INSR: variants seen among roughly 807,000 people sequenced by gnomAD.
INSR encodes IR.
A neutral mutation model predicts 142.6 loss-of-function variants in INSR; 67 were observed. The observed-to-expected ratio is 0.47, with a 90% CI of 0.39 to 0.58. The LOEUF (loss-of-function observed/expected upper bound fraction) is 0.58. Ranked by LOEUF, INSR falls within the 20% of genes least tolerant of loss-of-function variation. The probability of loss-of-function intolerance (pLI) is 0.00; values close to 1 mark genes in which losing one functional copy is unlikely to be tolerated. For synonymous variants in INSR, 756 were observed against 743.1 expected (o/e 1.02, Z -0.28); for missense variants, 1,248 against 1,833.2 (o/e 0.68, Z 5.83).
rs75918734 is a variant in INSR, at chr19:7,225,706, C to CA, written c.653-41070_653-41069insT. 9.1e-5 allele frequency among the ~76,000 whole-genome samples: 12 copies of CA among 132,074 alleles called. No individual in the cohort carries two copies. Among genetic ancestry groups the CA allele is most frequent in the African/African-American group, 1.0e-4 (4 of 38,214 alleles). 86.6% of individuals were successfully genotyped at this position (132,074 alleles called of 152,430 possible). A position where few individuals can be genotyped will look rare whatever the true frequency, so the allele number is the denominator to read the frequency against. On this transcript the variant is annotated intron_variant, in intron 2 of 21. Transcript: ENST00000302850. This position sits in a 1 kb window ranked among gnomAD's most constrained non-coding sequence, Gnocchi z 4.7. ...GGGCTCTTGGTTTCCATTTCCCCCC[C>CA]CTCAAAAAAAGAGCAGAGAATAATT...
intron 1 of INSR, among the ~76,000 whole-genome samples, chr19:7,292,696 C>T (rs1355813372): frequency 6.6e-6 from 1 of 152,168 alleles, no homozygotes; most frequent in Non-Finnish European, 1.5e-5. Flanking sequence ...AAAGCAGGGC[C>T]TCAGACCCCA....
Position 7,225,364 on chromosome 19 carries a change from G to A in INSR, c.653-40727C>T, listed in dbSNP as rs1028886194. 2.0e-5 allele frequency among the ~76,000 whole-genome samples: 3 copies of A among 152,080 alleles called. No individual in the cohort carries two copies. Among genetic ancestry groups the A allele is most frequent in the Admixed American group, 1.3e-4 (2 of 15,266 alleles). ...GACACTTTCTCCAGATCAGCTTAGGGGTGCTTGAGTGCCTGACCCGCCACC... is the reference window on the plus strand; with the variant it reads ...GACACTTTCTCCAGATCAGCTTAGGAGTGCTTGAGTGCCTGACCCGCCACC... On this transcript the variant is annotated intron_variant, in intron 2 of 21. Transcript: ENST00000302850. The surrounding 1 kb of genome is among the most constrained non-coding windows in gnomAD (Gnocchi z 4.7).
chr19:7,177,790 A>C (rs920869341), intron 3 of INSR, among the ~76,000 whole-genome samples: 1 of 130,826 alleles, frequency 7.6e-6, no homozygotes, highest in African/African-American at 2.9e-5. Context: ...CAGGTGATCC[A>C]CCCGCCTCGG....
intron 13 of INSR, among the ~76,000 whole-genome samples, chr19:7,134,990 CTGAAA>C (rs1972873708): frequency 1.4e-5 from 2 of 145,708 alleles, no homozygotes; most frequent in Non-Finnish European, 3.0e-5. Flanking sequence ...GCCCAAAACT[CTGAAA>C]AGTTTTCGAC....
intron 1 of INSR, among the ~76,000 whole-genome samples, chr19:7,270,337 T>TCACACACACACA (rs1334553477): frequency 1.6e-3 from 149 of 95,680 alleles, no homozygotes; most frequent in African/African-American, 5.5e-3. Flanking sequence ...TCTCTCTCTC[T>TCACACACACACA]CTCACACACA....
In INSR at chr19:7,112,807, T is replaced by C. The variant is rs1254751871; in HGVS notation, c.*4249A>G. 3 of 152,042 alleles carry C rather than the reference T, an allele frequency of 2.0e-5. No homozygotes were observed. The highest frequency in any genetic ancestry group is 4.4e-5 in the Non-Finnish European group (3 of 68,010). The allele number at this position is 152,042 out of a possible 1,614,324, so 9.4% of individuals were successfully genotyped here. Reference sequence around the variant, plus strand: ...TTCTCGGGGACCCTTAAGGAAATATTCACCTTCCATTGCACTCCCTGAAAG... The same window carrying C: ...TTCTCGGGGACCCTTAAGGAAATATCCACCTTCCATTGCACTCCCTGAAAG... On this transcript the variant is annotated 3_prime_UTR_variant, in exon 22 of 22. Transcript: ENST00000302850.
Position 7,168,169 on chromosome 19 carries a change from C to CT in INSR, c.1484-76dup. ...CAGACCAAAGCCTGGGACCCCCACA[C>CT]TTCCTGGAGGGACCGTGAGAAGGCA... On this transcript the variant is annotated intron_variant, in intron 6 of 21. Transcript: ENST00000302850. This position sits in a 1 kb window ranked among gnomAD's most constrained non-coding sequence, Gnocchi z 4.3. 6.7e-7 allele frequency: 1 copy of CT among 1,485,700 alleles called. No individual in the cohort carries two copies. Among genetic ancestry groups the CT allele is most frequent in the Non-Finnish European group, 9.4e-7 (1 of 1,068,222 alleles). The allele number at this position is 1,485,700 out of a possible 1,614,324, so 92.0% of individuals were successfully genotyped here. A position where few individuals can be genotyped will look rare whatever the true frequency, so the allele number is the denominator to read the frequency against.
At chr19:7,156,745 G>A (rs1433562186) in intron 9 of INSR, among the ~76,000 whole-genome samples, 1 of 149,704 alleles carries the variant, frequency 6.7e-6, no homozygotes, top group Non-Finnish European at 1.5e-5. Flanking sequence ...TATAAAGGTA[G>A]CAGTCCTAAA....
intron 1 of INSR, among the ~76,000 whole-genome samples, chr19:7,270,840 C>G (rs182206135): frequency 9.9e-4 from 150 of 151,980 alleles, no homozygotes; most frequent in African/African-American, 3.0e-3. Context: ...ATGGGCTGAT[C>G]ACGAGGTCAG....
chr19:7,221,378 AAGGAGG>A (rs71177175), intron 2 of INSR, among the ~76,000 whole-genome samples: 112 of 140,144 alleles, frequency 8.0e-4, no homozygotes, highest in African/African-American at 1.7e-3. Context: ...TGTCAAAAAA[AAGGAGG>A]AGGAGGAGGA....
chr19:7,196,860 T>C (rs980809095), intron 2 of INSR, among the ~76,000 whole-genome samples: 1 of 152,168 alleles, frequency 6.6e-6, no homozygotes, highest in Non-Finnish European at 1.5e-5. Flanking sequence ...AGTTGCGTCA[T>C]GGGCCTGCTG....
intron 1 of INSR, among the ~76,000 whole-genome samples, chr19:7,277,361 G>A (rs930340099): frequency 6.6e-6 from 1 of 151,940 alleles, no homozygotes; most frequent in Admixed American, 6.6e-5. Flanking sequence ...TGGGCATCTC[G>A]GTGGGCCAGA....
intron 2 of INSR, among the ~76,000 whole-genome samples, chr19:7,208,052 C>G (rs1298018686): frequency 6.6e-6 from 1 of 152,056 alleles, no homozygotes; most frequent in East Asian, 1.9e-4. Context: ...TCTTCCAGCC[C>G]TTGTACCCCC....
chr19:7,212,505 A>T (rs1007943838), intron 2 of INSR, among the ~76,000 whole-genome samples: 5 of 152,242 alleles, frequency 3.3e-5, no homozygotes, highest in African/African-American at 1.2e-4. Context: ...TAGCGACAAG[A>T]CATCGTGGAC....
rs760466969 is a variant in INSR at position 7,122,860 on chromosome 19, G to A, written c.3369+19C>T. On this transcript the variant is annotated intron_variant, in intron 18 of 21. Coordinates refer to ENST00000302850, the MANE Select transcript of INSR (RefSeq NM_000208.4). ...GGTGCTCCACCGAGTACCCCGCTGG[G>A]TCCCCCGAAGCAGCTTACCTCAGCC... 5.0e-6 allele frequency: 8 copies of A among 1,609,378 alleles called. No individual in the cohort carries two copies. Among genetic ancestry groups the A allele is most frequent in the Non-Finnish European group, 6.8e-6 (8 of 1,177,612 alleles).
At chr19:7,227,597 T>A (rs1288980257) in intron 2 of INSR, among the ~76,000 whole-genome samples, 2 of 152,126 alleles carry the variant, frequency 1.3e-5, no homozygotes, top group Non-Finnish European at 2.9e-5. Flanking sequence ...CGTCGAAAGA[T>A]CACGTGCTTT....
At chr19:7,143,195 C>T in intron 11 of INSR, 105 bp from the exon 12 acceptor site, 1 of 1,272,266 alleles carries the variant, frequency 7.9e-7, no homozygotes, top group Non-Finnish European at 1.1e-6. Flanking sequence ...GATCAGAGCG[C>T]AGGAGGGTGC....
chr19:7,207,846 C>T (rs1321696025), intron 2 of INSR, among the ~76,000 whole-genome samples: 2 of 148,556 alleles, frequency 1.3e-5, no homozygotes, highest in African/African-American at 5.0e-5. Context: ...ATGACTGTGC[C>T]GTTGCACTCT....
Position 7,139,058 on chromosome 19 carries a change from C to T in INSR, c.2682+2619G>A, listed in dbSNP as rs573498462. On this transcript the variant is annotated intron_variant, in intron 13 of 21. Transcript: ENST00000302850. The stretch of plus-strand genomic sequence containing the variant: ...TAGCAAATGTGATGCAAACAGAGTC[C>T]TAAGAAGTGTTTGTATATGGGGCAT... Among the ~76,000 whole-genome samples the T allele has an allele frequency of 2.6e-5, 4 of 152,192 alleles. No individual in the cohort carries two copies. In the East Asian group the frequency reaches 7.7e-4, roughly 29 times the overall value.
Sources: gnomAD v4.1 joint callset for allele counts (sites outside exome capture counted in the v4.1 genomes callset) on GRCh38, gnomAD v4.1.1 for gene constraint, Gnocchi (gnomAD v3.1) non-coding constraint, MANE v1.5 for transcripts, NCBI Gene and HGNC (gene_info 2026-07-23, HGNC 2026-07-21) for gene names.